Variants in SGSM1 observed in about 807,000 individuals in gnomAD.
SGSM1 encodes small G protein signaling modulator 1.
A neutral mutation model predicts 133.8 loss-of-function variants in SGSM1; 73 were observed. The observed-to-expected ratio is 0.55, with a 90% confidence interval of 0.45 to 0.66. SGSM1 has a LOEUF of 0.66. SGSM1 is among the 30% of genes least tolerant of loss of function. SGSM1 has a pLI of 0.00. For missense variants in SGSM1, 1,213 were observed against 1,448.1 expected (o/e 0.84, Z 2.64); for synonymous variants, 563 against 573.0 (o/e 0.98, Z 0.25).
intron 3 of SGSM1, among the ~76,000 whole-genome samples, chr22:24,846,816 A>G (rs1031143250): frequency 6.6e-6 from 1 of 151,756 alleles, no homozygotes; most frequent in Admixed American, 6.6e-5. Context: ...ATTAGGCAAT[A>G]TTTGTTTTTT....
At chr22:24,838,371 A>G (rs1339355117) in intron 2 of SGSM1, among the ~76,000 whole-genome samples, 2 of 152,246 alleles carry the variant, frequency 1.3e-5, no homozygotes, top group Non-Finnish European at 2.9e-5. Context: ...AGGTGTTTAT[A>G]TAGCCAGGAA....
intron 15 of SGSM1, among the ~76,000 whole-genome samples, chr22:24,885,433 AC>A (rs1932542826): frequency 7.6e-6 from 1 of 131,806 alleles, no homozygotes; most frequent in Non-Finnish European, 1.6e-5. Flanking sequence ...CACATTGAGC[AC>A]CTTTTTTTTT....
chr22:24,851,335 A>G lies in SGSM1; in HGVS notation c.455+903A>G, dbSNP rs181281707. Among the ~76,000 whole-genome samples the G allele has an allele frequency of 3.2e-3, 488 of 150,534 alleles. 2 individuals carry two copies. Among genetic ancestry groups the G allele is most frequent in the African/African-American group, 0.011 (469 of 41,060 alleles). On this transcript the variant is annotated intron_variant, in intron 5 of 24. Transcript: ENST00000400358. ...ATACCTTTCATGTCACAGAGCTTGT[A>G]TATCATCGCAAGAGCAGTGAGGAGC...
At chr22:24,823,716 T>C (rs1361890580) in intron 2 of SGSM1, among the ~76,000 whole-genome samples, 3 of 151,986 alleles carry the variant, frequency 2.0e-5, no homozygotes, top group African/African-American at 7.3e-5. Flanking sequence ...GTGGATCACT[T>C]GAGGCCAGGA....
At chr22:24,885,964 G>A (rs117039315) in intron 15 of SGSM1, among the ~76,000 whole-genome samples, 1 of 152,356 alleles carries the variant, frequency 6.6e-6, no homozygotes, top group East Asian at 1.9e-4. Context: ...GTAGATCATA[G>A]AAGTAGATCA....
rs946967176 is a variant in SGSM1 at position 24,884,149 on chromosome 22, G to A, written c.1592G>A (p.Gly531Glu). 1.2e-6 allele frequency: 2 copies of A among 1,613,982 alleles called. No individual in the cohort carries two copies. The highest frequency in any genetic ancestry group is 1.7e-6 in the Non-Finnish European group (2 of 1,179,874). ...IVSPDLPCDA[G>E]QGLTARIWEQ... Reference sequence around the variant, plus strand: ...TCTCCAGACTTGCCCTGCGATGCTGGACAGGGACTGACAGCCAGGATCTGG... The same window carrying A: ...TCTCCAGACTTGCCCTGCGATGCTGAACAGGGACTGACAGCCAGGATCTGG... Residue 531 changes from glycine (G) to glutamate (E), a missense_variant, in exon 15 of 25, where the codon GGA becomes GAA. Coordinates refer to ENST00000400358, the MANE Select transcript of SGSM1 (RefSeq NM_001098497.3).
chr22:24,876,073 C>T (rs1206231089), intron 12 of SGSM1, among the ~76,000 whole-genome samples: 2 of 152,208 alleles, frequency 1.3e-5, no homozygotes, highest in Non-Finnish European at 2.9e-5. Flanking sequence ...GCTGGAGCAG[C>T]TTTAGCCTCA....
chr22:24,844,639 G>A (rs1360630928), intron 2 of SGSM1: 3 of 483,626 alleles, frequency 6.2e-6, no homozygotes, highest in South Asian at 5.6e-5. Context: ...ATGACGTTTT[G>A]TGAGATGCCT....
At chr22:24,860,922 A>T (rs6004324) in intron 9 of SGSM1, among the ~76,000 whole-genome samples, 6,818 of 33,202 alleles carry the variant, frequency 0.21, 563 homozygotes, top group African/African-American at 0.25. Context: ...AAAAAAAAAA[A>T]ATATATATAT....
At chr22:24,873,179 C>T (rs546068054) in intron 12 of SGSM1, among the ~76,000 whole-genome samples, 67 of 151,962 alleles carry the variant, frequency 4.4e-4, no homozygotes, top group Non-Finnish European at 7.4e-5. Flanking sequence ...CTAGGCTGGA[C>T]TTGGAACTCC....
chr22:24,911,218 C>A (rs1879976137), intron 21 of SGSM1, among the ~76,000 whole-genome samples: 1 of 151,106 alleles, frequency 6.6e-6, no homozygotes, highest in South Asian at 2.1e-4. Context: ...GCCTGGGTGG[C>A]AGAATGAGAC....
chr22:24,822,654 G>T (rs1188766334), intron 2 of SGSM1, among the ~76,000 whole-genome samples: 4 of 152,194 alleles, frequency 2.6e-5, no homozygotes, highest in Non-Finnish European at 5.9e-5. Context: ...GATAGCCAAG[G>T]GCAGAGGTGG....
rs544952461 is a variant in SGSM1, at chr22:24,876,560, C to G, written c.1292-17C>G. The G allele has an allele frequency of 1.2e-6, 2 of 1,613,814 alleles. No individual in the cohort carries two copies. The highest frequency in any genetic ancestry group is 2.7e-5 in the African/African-American group (2 of 74,932). On this transcript the variant is annotated splice_polypyrimidine_tract_variant and intron_variant, in intron 12 of 24. Coordinates refer to ENST00000400358, the MANE Select transcript of SGSM1 (RefSeq NM_001098497.3). ...TAACCAGGGTGATTCTTCTGCCCCT[C>G]CTTCTATCCACCACAGTGCCCCAGG...
At chr22:24,819,377 G>C (rs1201309963) in intron 2 of SGSM1, among the ~76,000 whole-genome samples, 1 of 152,226 alleles carries the variant, frequency 6.6e-6, no homozygotes, top group Non-Finnish European at 1.5e-5. Context: ...ACGTGGGACA[G>C]CACGGGTATA....
intron 23 of SGSM1, among the ~76,000 whole-genome samples, chr22:24,918,798 C>T (rs1933908105): frequency 6.6e-6 from 1 of 151,788 alleles, no homozygotes; most frequent in African/African-American, 2.4e-5. Flanking sequence ...ATGGCGCGAT[C>T]TTGGCTCACT....
chr22:24,821,878 C>T (rs1928492068), intron 2 of SGSM1, among the ~76,000 whole-genome samples: 4 of 152,216 alleles, frequency 2.6e-5, no homozygotes, highest in African/African-American at 4.8e-5. Context: ...TCAACATCCT[C>T]GGCCAGAGTG....
At chr22:24,917,903 A>G in intron 23 of SGSM1, 149 bp downstream of exon 23, 2 of 613,390 alleles carry the variant, frequency 3.3e-6, no homozygotes, top group South Asian at 4.1e-5. Flanking sequence ...CTACCGTTTC[A>G]CCTGCCTTAT....
chr22:24,808,586 A>G (rs1260161376), intron 2 of SGSM1, among the ~76,000 whole-genome samples: 2 of 152,088 alleles, frequency 1.3e-5, no homozygotes, highest in Admixed American at 6.6e-5. Flanking sequence ...TTTTAAGGCA[A>G]TGGTTGGTTG....
intron 2 of SGSM1, among the ~76,000 whole-genome samples, chr22:24,842,072 C>T (rs1402761263): frequency 2.6e-5 from 4 of 152,246 alleles, no homozygotes; most frequent in Non-Finnish European, 5.9e-5. Flanking sequence ...GACTCACTCC[C>T]TCTGTTGCTA....
Sources: allele counts gnomAD v4.1 joint callset (sites outside exome capture counted in the v4.1 genomes callset), GRCh38; gene constraint gnomAD v4.1.1; transcripts MANE v1.5; gene names NCBI Gene and HGNC (gene_info 2026-07-23, HGNC 2026-07-21).